FNDC3B: variants seen among roughly 807,000 people sequenced by gnomAD.
The protein encoded by FNDC3B is fibronectin type III domain containing 3B, also known as fibronectin type III domain-containing protein 3B.
In FNDC3B, 12 loss-of-function variants were observed where a neutral mutation model predicts 151.5. That is an observed-to-expected ratio of 0.08 (90% CI 0.05 to 0.13). The LOEUF (loss-of-function observed/expected upper bound fraction) is 0.13. Ranked by LOEUF, FNDC3B falls within the 10% of genes least tolerant of loss-of-function variation. The pLI is 1.00. For synonymous variants in FNDC3B, 528 were observed against 549.0 expected, an observed-to-expected ratio of 0.96 and a Z score of 0.54; for missense variants, 1,214 against 1,505.3, an observed-to-expected ratio of 0.81 and a Z score of 3.20.
chr3:172,286,259 C>G (rs573246823), intron 7 of FNDC3B, among the ~76,000 whole-genome samples: 2 of 151,496 alleles, frequency 1.3e-5, no homozygotes, highest in South Asian at 2.1e-4. Context: ...TTTTTTTTCT[C>G]TCTCTTTTTT....
intron 2 of FNDC3B, among the ~76,000 whole-genome samples, chr3:172,116,184 G>A (rs1292717717): frequency 6.6e-6 from 1 of 152,162 alleles, no homozygotes; most frequent in Non-Finnish European, 1.5e-5. Flanking sequence ...GCTTTTAAAA[G>A]CATTATCAAC....
intron 3 of FNDC3B, chr3:172,134,320 A>G (rs1466259143): frequency 1.9e-6 from 1 of 514,742 alleles, no homozygotes; most frequent in Non-Finnish European, 3.9e-6. Context: ...TCTGTGTAGG[A>G]AGATCAACCT....
intron 3 of FNDC3B, among the ~76,000 whole-genome samples, chr3:172,141,462 T>A (rs1011471992): frequency 1.3e-5 from 2 of 152,272 alleles, no homozygotes; most frequent in African/African-American, 4.8e-5. Flanking sequence ...TGAGCAGCTA[T>A]ATTCAGAGAA....
intron 2 of FNDC3B, 25 bp from the exon 3 acceptor site, chr3:172,133,446 T>G: frequency 6.3e-7 from 1 of 1,584,768 alleles, no homozygotes; most frequent in Non-Finnish European, 8.7e-7. Flanking sequence ...AGTATTAAAC[T>G]GAAATTAATG....
At chr3:172,093,027 A>T (rs574795321) in intron 1 of FNDC3B, among the ~76,000 whole-genome samples, 1 of 152,080 alleles carries the variant, frequency 6.6e-6, no homozygotes, top group African/African-American at 2.4e-5. Context: ...TATGTTGTCC[A>T]GGCTGGTCTT....
At position 172,297,691 on chromosome 3, in the gene FNDC3B, G is replaced by C. The variant is rs368185746; in HGVS notation, c.1002-1037G>C. ...GGGTTTCACCGTGTTAGCCAGGATG[G>C]TCTCGATCTCCTGACCTCGTGATCC... On this transcript the variant is annotated intron_variant, in intron 8 of 25. Coordinates refer to ENST00000415807, the MANE Select transcript of FNDC3B (RefSeq NM_022763.4). Among the ~76,000 whole-genome samples, 78 of 152,120 alleles carry C rather than the reference G, an allele frequency of 5.1e-4. No homozygotes were observed. In the South Asian group the frequency reaches 0.015, roughly 29 times the overall value.
rs144926706 is a variant in FNDC3B, at chr3:172,291,629, G to T, written c.850-3734G>T. Among the ~76,000 whole-genome samples the T allele has an allele frequency of 6.0e-4, 92 of 152,252 alleles. No individual in the cohort carries two copies. In the East Asian group the frequency reaches 0.015, roughly 24 times the overall value. Reference sequence around the variant, plus strand: ...CTATTGCAGAAACAAATGTCAGATTGCACCTCGTCCAATAATTTTATAACT... The same window carrying T: ...CTATTGCAGAAACAAATGTCAGATTTCACCTCGTCCAATAATTTTATAACT... On this transcript the variant is annotated intron_variant, in intron 7 of 25. Transcript: ENST00000415807.
chr3:172,281,215 A>ATATTTATTTATT (rs56357726), intron 6 of FNDC3B, among the ~76,000 whole-genome samples: 14 of 132,502 alleles, frequency 1.1e-4, no homozygotes, highest in South Asian at 6.9e-4. Context: ...ATTATTATTT[A>ATATTTATTTATT]TATTTATTTA....
At chr3:172,243,864 A>G (rs181536270) in intron 4 of FNDC3B, among the ~76,000 whole-genome samples, 2 of 152,320 alleles carry the variant, frequency 1.3e-5, no homozygotes, top group East Asian at 3.9e-4. Context: ...CAACATTTGA[A>G]TTTGGGGACA....
chr3:172,353,030 G>A lies in FNDC3B; in HGVS notation c.2742G>A (p.Val914=). 4 of 1,614,032 alleles carry A rather than the reference G, an allele frequency of 2.5e-6. No homozygotes were observed. Among genetic ancestry groups the A allele is most frequent in the Non-Finnish European group, 1.7e-6 (2 of 1,179,994 alleles). ...TIDLGDTSIT[V]GNTTMHVMKD... ...ATCTAGGAGACACTAGCATTACCGT[G>A]GGCAACACCACCATGCATGTTATGA... The change falls in exon 22 of 26, where the codon GTG becomes GTA. Residue 914 remains valine, a synonymous_variant. Transcript: ENST00000415807.
intron 2 of FNDC3B, among the ~76,000 whole-genome samples, chr3:172,125,118 G>T (rs1338489417): frequency 6.6e-6 from 1 of 152,176 alleles, no homozygotes; most frequent in Non-Finnish European, 1.5e-5. Flanking sequence ...ATGGCACTTG[G>T]TTTTTGCACA....
intron 25 of FNDC3B, among the ~76,000 whole-genome samples, chr3:172,389,323 T>TA (rs1240997737): frequency 8.5e-5 from 13 of 152,152 alleles, no homozygotes; most frequent in Non-Finnish European, 1.8e-4. Context: ...TCTGTTACTC[T>TA]AAAAAAATCT....
intron 6 of FNDC3B, among the ~76,000 whole-genome samples, chr3:172,272,411 C>A (rs1047795061): frequency 6.6e-6 from 1 of 152,062 alleles, no homozygotes; most frequent in Non-Finnish European, 1.5e-5. Flanking sequence ...ACCTTTGTGG[C>A]AGTGGGGAAC....
chr3:172,336,587 C>T (rs1291850841), intron 15 of FNDC3B, among the ~76,000 whole-genome samples: 13 of 152,102 alleles, frequency 8.5e-5, no homozygotes, highest in Admixed American at 4.6e-4. Context: ...CTTCTCTTTC[C>T]GTTCCTTTCC....
chr3:172,043,075 C>T (rs983338888), intron 1 of FNDC3B, among the ~76,000 whole-genome samples: 7 of 152,082 alleles, frequency 4.6e-5, no homozygotes, highest in African/African-American at 1.4e-4. Flanking sequence ...CCACCACGCC[C>T]GGCTAATTTT....
intron 2 of FNDC3B, among the ~76,000 whole-genome samples, chr3:172,133,198 G>A (rs1182678571): frequency 1.3e-5 from 2 of 152,160 alleles, no homozygotes; most frequent in Admixed American, 1.3e-4. Flanking sequence ...AAGCGAAAAG[G>A]GAATTGTGCT....
intron 3 of FNDC3B, among the ~76,000 whole-genome samples, chr3:172,168,781 C>T (rs1342255639): frequency 2.0e-5 from 3 of 147,302 alleles, no homozygotes; most frequent in East Asian, 3.9e-4. Flanking sequence ...GGCGCGATCT[C>T]GGCTCACTGC....
At chr3:172,203,244 G>A (rs993392486) in intron 3 of FNDC3B, among the ~76,000 whole-genome samples, 1 of 152,188 alleles carries the variant, frequency 6.6e-6, no homozygotes, top group Non-Finnish European at 1.5e-5. Flanking sequence ...AAAGGAGAAT[G>A]TTGTAATTTC....
At chr3:172,181,846 A>G (rs1723926733) in intron 3 of FNDC3B, among the ~76,000 whole-genome samples, 1 of 151,438 alleles carries the variant, frequency 6.6e-6, no homozygotes, top group African/African-American at 2.4e-5. Context: ...AAAAAAAAAA[A>G]AAAAAGATTT....
Sources: allele counts gnomAD v4.1 joint callset (sites outside exome capture counted in the v4.1 genomes callset), GRCh38; gene constraint gnomAD v4.1.1; transcripts MANE v1.5; gene names NCBI Gene and HGNC (gene_info 2026-07-23, HGNC 2026-07-21).